Variants in PLCZ1 observed in about 807,000 individuals in gnomAD.
PLCZ1 encodes phospholipase C zeta 1.
PLCZ1 carries 64 observed loss-of-function variants against 76.8 expected under a neutral mutation model. The ratio of observed to expected loss-of-function variants is 0.83; its 90% CI spans 0.68 to 1.03. The LOEUF is 1.03. Ranked by LOEUF, PLCZ1 falls within the 50% of genes least tolerant of loss-of-function variation. The pLI is 0.00. For missense variants in PLCZ1, 751 were observed against 713.7 expected (o/e 1.05, Z -0.60); for synonymous variants, 248 against 230.8 (o/e 1.07, Z -0.68).
chr12:18,733,347 T>C (rs1959156034), intron 3 of PLCZ1, among the ~76,000 whole-genome samples: 2 of 152,224 alleles, frequency 1.3e-5, no homozygotes, highest in South Asian at 2.1e-4. Context: ...TTTTGGATAC[T>C]ATCCCTTATC....
intron 3 of PLCZ1, among the ~76,000 whole-genome samples, chr12:18,735,279 G>C (rs1335515378): frequency 6.6e-6 from 1 of 152,182 alleles, no homozygotes; most frequent in Non-Finnish European, 1.5e-5. Flanking sequence ...AATAAAACTG[G>C]AAGTGTTCCC....
At chr12:18,661,121 A>C in the PLCZ1 span, among the ~76,000 whole-genome samples, 1 of 152,080 alleles carries the variant, frequency 6.6e-6, no homozygotes, top group Non-Finnish European at 1.5e-5. Context: ...GAATAGCAAT[A>C]AAGATTTAAG....
the PLCZ1 span, among the ~76,000 whole-genome samples, chr12:18,655,312 T>C: frequency 6.6e-6 from 1 of 152,174 alleles, no homozygotes; most frequent in East Asian, 1.9e-4. Flanking sequence ...ACTGAAAGAG[T>C]TCCCAATGGC....
Position 18,712,945 on chromosome 12 carries a change from C to T in PLCZ1, c.611G>A (p.Trp204Ter). 1 of 1,613,950 alleles carries T rather than the reference C, an allele frequency of 6.2e-7. No homozygotes were observed. The highest frequency in any genetic ancestry group is 8.5e-7 in the Non-Finnish European group (1 of 1,179,880). The change falls in exon 6 of 15, where the codon TGG (tryptophan) becomes TAG (stop). Residue 204 changes from tryptophan (W) to a stop codon, truncating the protein, a stop_gained. Coordinates refer to ENST00000266505, the MANE Select transcript of PLCZ1 (RefSeq NM_033123.4). LOFTEE classifies it high-confidence loss of function. The stretch of plus-strand genomic sequence containing the variant: ...AACAGGTTCATTTTGTGCTCCATCC[C>T]AGCAGTCAATCTCCAAACAACGGCA... Reference protein sequence around the residue: ...KGCRCLEIDCWDGAQNEPVVY... With the variant: ...KGCRCLEIDC
At position 18,723,552 on chromosome 12, in the gene PLCZ1, A is replaced by C. The variant is rs1958578703; in HGVS notation, c.136-10T>G. 6.3e-7 allele frequency: 1 copy of C among 1,599,582 alleles called. No individual in the cohort carries two copies. The highest frequency in any genetic ancestry group is 1.3e-5 in the African/African-American group (1 of 74,642). On this transcript the variant is annotated splice_polypyrimidine_tract_variant and intron_variant, in intron 3 of 14. Coordinates refer to ENST00000266505, the MANE Select transcript of PLCZ1 (RefSeq NM_033123.4). The stretch of plus-strand genomic sequence containing the variant: ...TCAGCCTGTCATTGTCCTACTAAAA[A>C]AATGACTGGTGGGCTCACATTGTGA...
intron 6 of PLCZ1, among the ~76,000 whole-genome samples, chr12:18,707,911 G>C (rs190783166): frequency 2.6e-5 from 4 of 152,232 alleles, no homozygotes; most frequent in Admixed American, 1.3e-4. Context: ...TATACAACAT[G>C]ATGTTATGGA....
intron 9 of PLCZ1, among the ~76,000 whole-genome samples, chr12:18,701,221 G>A (rs1485530793): frequency 1.3e-5 from 2 of 152,068 alleles, no homozygotes; most frequent in African/African-American, 2.4e-5. Context: ...CTGACTTCAT[G>A]TGATCCGCCC....
chr12:18,712,819 G>A (rs527414672), intron 6 of PLCZ1, 23 bp downstream of exon 6: 1 of 1,611,094 alleles, frequency 6.2e-7, no homozygotes, highest in African/African-American at 1.3e-5. Flanking sequence ...AATAGCTACA[G>A]TTGAACAAAG....
chr12:18,701,397 T>A (rs1185025051), intron 9 of PLCZ1, 104 bp downstream of exon 9: 1 of 1,567,610 alleles, frequency 6.4e-7, no homozygotes, highest in Non-Finnish European at 8.6e-7. Flanking sequence ...AGAGTTTTTA[T>A]AAGAAGGAAA....
At chr12:18,733,680 T>C (rs1472753328) in intron 3 of PLCZ1, among the ~76,000 whole-genome samples, 2 of 152,226 alleles carry the variant, frequency 1.3e-5, no homozygotes, top group African/African-American at 4.8e-5. Flanking sequence ...ATTTTTTACA[T>C]GCGAATATCC....
chr12:18,702,882 A>C (rs10770386), intron 7 of PLCZ1, among the ~76,000 whole-genome samples: 1 of 144,978 alleles, frequency 6.9e-6, no homozygotes, highest in South Asian at 2.2e-4. Flanking sequence ...GTGCAGTGAC[A>C]TGATCTCAGC....
chr12:18,647,212 A>T, the PLCZ1 span, among the ~76,000 whole-genome samples: 4 of 152,158 alleles, frequency 2.6e-5, no homozygotes, highest in Non-Finnish European at 1.5e-5. Flanking sequence ...ATTGTGCTGC[A>T]TTTAAGTAGC....
chr12:18,703,667 C>T (rs1956228549), intron 7 of PLCZ1, among the ~76,000 whole-genome samples: 1 of 152,144 alleles, frequency 6.6e-6, no homozygotes, highest in Admixed American at 6.5e-5. Context: ...TATGTTAACC[C>T]TTGTGTGGAA....
intron 5 of PLCZ1, chr12:18,714,553 CG>C (rs1426642973): frequency 1.3e-5 from 2 of 152,116 alleles, no homozygotes; most frequent in African/African-American, 4.8e-5. Context: ...CTTGAAACAC[CG>C]GGATCTTAGA....
the PLCZ1 span, among the ~76,000 whole-genome samples, chr12:18,650,702 GTGTATATATCTATATATATATATA>G: frequency 3.6e-3 from 99 of 27,678 alleles, no homozygotes; most frequent in African/African-American, 6.3e-3. Context: ...GTGTGTGTGT[GTGTATATATCTATATATATATATA>G]TATATATATA....
chr12:18,711,316 T>G (rs929345700), intron 6 of PLCZ1, among the ~76,000 whole-genome samples: 1 of 131,926 alleles, frequency 7.6e-6, no homozygotes, highest in Middle Eastern at 4.7e-3. Context: ...TTCTCACTCA[T>G]AGGTGGGAAT....
intron 13 of PLCZ1, among the ~76,000 whole-genome samples, chr12:18,685,084 G>C (rs1952896502): frequency 6.6e-6 from 1 of 151,986 alleles, no homozygotes; most frequent in Non-Finnish European, 1.5e-5. Flanking sequence ...AATCTTTAGA[G>C]CAATATGAAA....
At chr12:18,676,011 A>T in the PLCZ1 span, among the ~76,000 whole-genome samples, 8 of 60,784 alleles carry the variant, frequency 1.3e-4, no homozygotes, top group African/African-American at 2.2e-4. Flanking sequence ...GAATCTATTT[A>T]AAAAAAAACT....
At chr12:18,652,425 C>T in the PLCZ1 span, among the ~76,000 whole-genome samples, 101 of 152,228 alleles carry the variant, frequency 6.6e-4, no homozygotes, top group African/African-American at 2.4e-3. Context: ...GCAAAAGAGG[C>T]ATGGCAGAGA....
Sources: allele counts gnomAD v4.1 joint callset (sites outside exome capture counted in the v4.1 genomes callset), GRCh38; gene constraint gnomAD v4.1.1; transcripts MANE v1.5; gene names NCBI Gene and HGNC (gene_info 2026-07-23, HGNC 2026-07-21).